HCN1: variants seen among roughly 807,000 people sequenced by gnomAD.
The protein encoded by HCN1 is hyperpolarization activated cyclic nucleotide gated potassium channel 1.
Under a neutral mutation model 78.9 loss-of-function variants are expected in HCN1, and 13 were observed. The ratio of observed to expected loss-of-function variants is 0.16; its 90% CI spans 0.11 to 0.26. HCN1 has a LOEUF of 0.26. Among genes scored for constraint, HCN1 ranks in the 10% least tolerant of loss-of-function variants. The pLI is 1.00. For synonymous variants in HCN1, 552 were observed against 455.5 expected (o/e 1.21, Z -2.70); for missense variants, 810 against 1,154.3 (o/e 0.70, Z 4.32).
intron 1 of HCN1, among the ~76,000 whole-genome samples, chr5:45,658,205 A>G (rs1745816687): frequency 6.6e-6 from 1 of 152,208 alleles, no homozygotes; most frequent in Admixed American, 6.5e-5. Flanking sequence ...CTGAAACTGG[A>G]TCCCTTCCTT....
chr5:45,629,741 C>G (rs1745236428), intron 2 of HCN1, among the ~76,000 whole-genome samples: 1 of 152,060 alleles, frequency 6.6e-6, no homozygotes, highest in African/African-American at 2.4e-5. Context: ...TTATATCATA[C>G]ATTTATAAGA....
At chr5:45,547,939 T>A (rs1477093494) in intron 2 of HCN1, among the ~76,000 whole-genome samples, 2 of 151,968 alleles carry the variant, frequency 1.3e-5, no homozygotes, top group African/African-American at 4.8e-5. Context: ...TTCGTATCTG[T>A]CTTGCCACAA....
chr5:45,355,110 T>C (rs907245156), intron 4 of HCN1, among the ~76,000 whole-genome samples: 6 of 152,056 alleles, frequency 3.9e-5, no homozygotes, highest in African/African-American at 1.4e-4. Context: ...CATTTAACCC[T>C]TCCAGATCTC....
Position 45,373,358 on chromosome 5 carries a change from T to G in HCN1, c.1231-20112A>C, listed in dbSNP as rs1006315150. ...ATTTAATATATAAAATATATATTTA[T>G]AAATATAATATATATTTTATATAAT... On this transcript the variant is annotated intron_variant, in intron 4 of 7. Transcript: ENST00000303230. 2.1e-4 allele frequency among the ~76,000 whole-genome samples: 25 copies of G among 119,508 alleles called. No individual in the cohort carries two copies. The East Asian group carries it at 3.7e-3, about 18-fold the overall frequency. 78.4% of individuals were successfully genotyped at this position (119,508 alleles called of 152,430 possible).
In HCN1 at chr5:45,695,780, C is replaced by T; in HGVS notation, c.314G>A (p.Gly105Glu). 6.2e-7 allele frequency: 1 copy of T among 1,611,900 alleles called. No homozygotes were observed. The highest frequency in any genetic ancestry group is 8.5e-7 in the Non-Finnish European group (1 of 1,179,628). Residue 105 changes from glycine to glutamate, a missense_variant, in exon 1 of 8, where the codon GGG becomes GAG. This residue lies in a region of HCN1 where 170 missense variants were observed against 166.8 expected (regional missense o/e 1.02). Coordinates refer to ENST00000303230, the MANE Select transcript of HCN1 (RefSeq NM_021072.4). ...QRQFTSMLQP[G>E]VNKFSLRMFG... ...CATGCGGAGGGAGAATTTGTTGACC[C>T]CGGGCTGCAGCATGGAGGTGAACTG...
intron 3 of HCN1, among the ~76,000 whole-genome samples, chr5:45,438,879 T>G (rs1740616858): frequency 6.6e-6 from 1 of 152,142 alleles, no homozygotes; most frequent in Non-Finnish European, 1.5e-5. Context: ...TCTACAATAG[T>G]GACTAATATG....
intron 2 of HCN1, among the ~76,000 whole-genome samples, chr5:45,535,372 C>T (rs902779313): frequency 4.6e-5 from 7 of 152,178 alleles, no homozygotes; most frequent in African/African-American, 1.2e-4. Context: ...CCAAGGTGGG[C>T]GGATCACTTG....
Position 45,558,825 on chromosome 5 carries a change from G to A in HCN1, c.849+86360C>T, listed in dbSNP as rs960837315. On this transcript the variant is annotated intron_variant, in intron 2 of 7. Transcript: ENST00000303230. Reference sequence around the variant, plus strand: ...GCTCTGTCACCCAGGCTAGAGTGTGGTGGCATTATCATAGCTTATAAGATC... The same window carrying A: ...GCTCTGTCACCCAGGCTAGAGTGTGATGGCATTATCATAGCTTATAAGATC... 3 of 151,804 alleles carry A rather than the reference G, an allele frequency of 2.0e-5. No individual in the cohort carries two copies. The East Asian group carries it at 5.8e-4, about 29-fold the overall frequency. 9.4% of individuals were successfully genotyped at this position (151,804 alleles called of 1,614,324 possible).
At chr5:45,564,143 A>G (rs188608016) in intron 2 of HCN1, among the ~76,000 whole-genome samples, 209 of 152,298 alleles carry the variant, frequency 1.4e-3, no homozygotes, top group African/African-American at 5.0e-3. Context: ...ATCTCACTTC[A>G]TTCTGCTCCA....
intron 2 of HCN1, among the ~76,000 whole-genome samples, chr5:45,544,615 A>G (rs1743172020): frequency 1.8e-5 from 1 of 54,618 alleles, no homozygotes; most frequent in Admixed American, 2.5e-4. Context: ...CCCATCCCAC[A>G]ACAGGCCCCA....
intron 2 of HCN1, among the ~76,000 whole-genome samples, chr5:45,618,479 C>A (rs1266204014): frequency 6.6e-6 from 1 of 152,026 alleles, no homozygotes; most frequent in Non-Finnish European, 1.5e-5. Context: ...ATTTGAGAGG[C>A]TTTAAACAGA....
chr5:45,626,188 C>T (rs1216691908), intron 2 of HCN1, among the ~76,000 whole-genome samples: 1 of 152,194 alleles, frequency 6.6e-6, no homozygotes, highest in Non-Finnish European at 1.5e-5. Flanking sequence ...CACCACTTTG[C>T]TGTCACTTAT....
At chr5:45,295,181 C>T (rs1745463650) in intron 6 of HCN1, among the ~76,000 whole-genome samples, 1 of 151,992 alleles carries the variant, frequency 6.6e-6, no homozygotes, top group Non-Finnish European at 1.5e-5. Flanking sequence ...TTCACCATCA[C>T]TCTCAATGGG....
chr5:45,554,269 T>C (rs966226037), intron 2 of HCN1, among the ~76,000 whole-genome samples: 9 of 151,876 alleles, frequency 5.9e-5, no homozygotes, highest in Non-Finnish European at 1.2e-4. Context: ...AATGGGTAAT[T>C]AGAAGTCACA....
intron 1 of HCN1, among the ~76,000 whole-genome samples, chr5:45,668,665 G>A (rs1746095255): frequency 6.6e-6 from 1 of 151,838 alleles, no homozygotes; most frequent in South Asian, 2.1e-4. Context: ...TTCATAATTT[G>A]GATTTAGATG....
rs374645450 is a variant in HCN1, at chr5:45,396,894, T to C, written c.1012-184A>G. Reference sequence around the variant, plus strand: ...ATGATGTTTTTCAAATCTTTCTTACTATGATGAAGTGGAAACAGTCTGCTG... The same window carrying C: ...ATGATGTTTTTCAAATCTTTCTTACCATGATGAAGTGGAAACAGTCTGCTG... On this transcript the variant is annotated intron_variant, in intron 3 of 7. Coordinates refer to ENST00000303230, the MANE Select transcript of HCN1 (RefSeq NM_021072.4). Among the ~76,000 whole-genome samples, 55 of 152,336 alleles carry C rather than the reference T, an allele frequency of 3.6e-4. No individual in the cohort carries two copies. In the South Asian group the frequency reaches 0.011, roughly 30 times the overall value.
intron 4 of HCN1, among the ~76,000 whole-genome samples, chr5:45,354,752 C>CT (rs1197649306): frequency 6.6e-6 from 1 of 151,960 alleles, no homozygotes; most frequent in Non-Finnish European, 1.5e-5. Flanking sequence ...GCCTGAAGGC[C>CT]TATGTACATC....
intron 5 of HCN1, among the ~76,000 whole-genome samples, chr5:45,345,813 G>T (rs894418625): frequency 7.9e-5 from 12 of 152,296 alleles, no homozygotes; most frequent in Admixed American, 7.2e-4. Context: ...ATCTCTGCCT[G>T]TTACCCAGTT....
intron 6 of HCN1, among the ~76,000 whole-genome samples, chr5:45,300,305 G>A (rs1454435319): frequency 2.0e-5 from 3 of 151,898 alleles, no homozygotes; most frequent in Non-Finnish European, 4.4e-5. Flanking sequence ...CTTAACACAG[G>A]TTTGAGCTAG....
Sources: allele counts gnomAD v4.1 joint callset (sites outside exome capture counted in the v4.1 genomes callset), GRCh38; gene constraint gnomAD v4.1.1; regional missense constraint gnomAD v4.1.1; transcripts MANE v1.5; gene names NCBI Gene and HGNC (gene_info 2026-07-23, HGNC 2026-07-21).